Variants in MYH10 observed in about 807,000 individuals in gnomAD.
MYH10 encodes myosin heavy chain 10, also known as myosin-10.
A neutral mutation model predicts 257.8 loss-of-function variants in MYH10; 55 were observed. The ratio of observed to expected loss-of-function variants is 0.21; its 90% CI spans 0.17 to 0.27. The LOEUF is 0.27. Among genes scored for constraint, MYH10 ranks in the 10% least tolerant of loss-of-function variants. The pLI is 1.00. For missense variants in MYH10, 1,631 were observed against 2,500.6 expected (o/e 0.65, Z 7.42); for synonymous variants, 854 against 921.7 (o/e 0.93, Z 1.33).
Position 8,490,275 on chromosome 17 carries a change from C to A in MYH10, c.4884+65G>T. On this transcript the variant is annotated intron_variant, in intron 35 of 42. Transcript: ENST00000360416. The surrounding 1 kb of genome is among the most constrained non-coding windows in gnomAD (Gnocchi z 4.1). ...TGTTCTAACACGAATGAACAGGATA[C>A]TGACCCAGAGCTGGGCTTTGAGAGC... 2.1e-6 allele frequency: 3 copies of A among 1,432,054 alleles called. No homozygotes were observed. In the South Asian group the frequency reaches 3.4e-5, roughly 16 times the overall value. 88.7% of individuals were successfully genotyped at this position (1,432,054 alleles called of 1,614,324 possible). A position where few individuals can be genotyped will look rare whatever the true frequency, so the allele number is the denominator to read the frequency against.
At chr17:8,526,628 A>G (rs1314706663) in intron 17 of MYH10, among the ~76,000 whole-genome samples, 1 of 48,676 alleles carries the variant, frequency 2.1e-5, no homozygotes, top group Non-Finnish European at 4.3e-5. Flanking sequence ...ATATTCGCAT[A>G]GCTTTAAGAG....
At chr17:8,482,896 A>G (rs1272656459) in intron 37 of MYH10, among the ~76,000 whole-genome samples, 2 of 152,228 alleles carry the variant, frequency 1.3e-5, no homozygotes, top group Admixed American at 6.5e-5. Context: ...GATCTCACCA[A>G]TCAACTCCAT....
Position 8,538,752 on chromosome 17 carries a change from T to C in MYH10, c.1606-2821A>G, listed in dbSNP as rs181564196. Among the ~76,000 whole-genome samples, 622 of 152,336 alleles carry C rather than the reference T, an allele frequency of 4.1e-3. 2 individuals carry two copies. The highest frequency in any genetic ancestry group is 7.5e-3 in the South Asian group (36 of 4,830). ...GAAGGAACGAGTTACCTAGTTCTAC[T>C]CATTGCCCGTCAGTGTCTGGGCATA... On this transcript the variant is annotated intron_variant, in intron 14 of 42. Coordinates refer to ENST00000360416, the MANE Select transcript of MYH10 (RefSeq NM_001256012.3).
intron 6 of MYH10, 39 bp downstream of exon 6, chr17:8,576,603 CA>C (rs1392933514): frequency 1.6e-5 from 24 of 1,538,662 alleles, no homozygotes; most frequent in Non-Finnish European, 2.1e-5. Context: ...GAAATTAGTG[CA>C]AACACTCAAG....
In MYH10 at chr17:8,522,623, G is replaced by C. The variant is rs148291738; in HGVS notation, c.1958-1338C>G. The stretch of plus-strand genomic sequence containing the variant: ...AAAGCGGCACAAACCCACTTCTGCA[G>C]GCCCCATAAAATACTGATCTTCCCT... On this transcript the variant is annotated intron_variant, in intron 17 of 42. Coordinates refer to ENST00000360416, the MANE Select transcript of MYH10 (RefSeq NM_001256012.3). Among the ~76,000 whole-genome samples, 467 of 152,264 alleles carry C rather than the reference G, an allele frequency of 3.1e-3. 2 individuals carry two copies. Among genetic ancestry groups the C allele is most frequent in the Admixed American group, 7.3e-3 (112 of 15,304 alleles).
chr17:8,535,357 G>T lies in MYH10; in HGVS notation c.1894+30C>A. The T allele has an allele frequency of 1.3e-6, 2 of 1,517,964 alleles. No individual in the cohort carries two copies. Among genetic ancestry groups the T allele is most frequent in the Non-Finnish European group, 1.8e-6 (2 of 1,096,180 alleles). The allele number at this position is 1,517,964 out of a possible 1,614,324, so 94.0% of individuals were successfully genotyped here. A position where few individuals can be genotyped will look rare whatever the true frequency, so the allele number is the denominator to read the frequency against. On this transcript the variant is annotated intron_variant, in intron 16 of 42. Transcript: ENST00000360416. The surrounding 1 kb of genome is among the most constrained non-coding windows in gnomAD (Gnocchi z 4.3). ...CTTAATTATAAAAGATTCCAGCCAA[G>T]CATGATTACAAAGATAAGCACTTTC...
intron 37 of MYH10, among the ~76,000 whole-genome samples, chr17:8,483,156 T>C (rs1442744627): frequency 6.6e-6 from 1 of 152,194 alleles, no homozygotes; most frequent in Non-Finnish European, 1.5e-5. Context: ...TTAGAAAAAT[T>C]TAGAATTACA....
chr17:8,509,610 A>G (rs2081191901), intron 25 of MYH10, among the ~76,000 whole-genome samples: 1 of 152,226 alleles, frequency 6.6e-6, no homozygotes, highest in Admixed American at 6.5e-5. Flanking sequence ...TTATCAGGAT[A>G]TTTGATAAGG....
At chr17:8,574,981 A>G (rs1449633557) in intron 6 of MYH10, among the ~76,000 whole-genome samples, 1 of 152,220 alleles carries the variant, frequency 6.6e-6, no homozygotes, top group Non-Finnish European at 1.5e-5. Context: ...GTATTCTTCT[A>G]ATATTTCTAA....
At chr17:8,498,117 G>T (rs759629808) in intron 30 of MYH10, among the ~76,000 whole-genome samples, 1 of 150,862 alleles carries the variant, frequency 6.6e-6, no homozygotes, top group Non-Finnish European at 1.5e-5. Context: ...TGAGTAGCTG[G>T]GATTACAGGT....
At position 8,573,486 on chromosome 17, in the gene MYH10, G is replaced by T. The variant is rs185036478; in HGVS notation, c.663+3157C>A. ...ACTGGAAACACAGGGAGACAAGTGGGCTGGCTTGAAGGTATCATTTGTAGG... is the reference window on the plus strand; with the variant it reads ...ACTGGAAACACAGGGAGACAAGTGGTCTGGCTTGAAGGTATCATTTGTAGG... On this transcript the variant is annotated intron_variant, in intron 6 of 42. Coordinates refer to ENST00000360416, the MANE Select transcript of MYH10 (RefSeq NM_001256012.3). Among the ~76,000 whole-genome samples the T allele has an allele frequency of 7.4e-4, 113 of 152,330 alleles. 1 individual carries two copies. Among genetic ancestry groups the T allele is most frequent in the Middle Eastern group, 3.4e-3 (1 of 294 alleles).
chr17:8,500,962 C>T lies in MYH10; in HGVS notation c.3608G>A (p.Arg1203His). The change falls in exon 29 of 43, where the codon CGT becomes CAT. Residue 1203 changes from arginine to histidine, a missense_variant. This residue lies in a region of MYH10 where 7 missense variants were observed against 37.1 expected (regional missense o/e 0.19). Coordinates refer to ENST00000360416, the MANE Select transcript of MYH10 (RefSeq NM_001256012.3). Reference protein sequence around the residue: ...TAAQQELRTKREQEVAELKKA... With the variant: ...TAAQQELRTKHEQEVAELKKA... ...CTTCAGCTCTGCCACTTCTTGTTCA[C>T]GTTTTGTACTAGAGAAGGACATTTT... 3 of 1,613,534 alleles carry T rather than the reference C, an allele frequency of 1.9e-6. No homozygotes were observed. Among genetic ancestry groups the T allele is most frequent in the Non-Finnish European group, 1.7e-6 (2 of 1,179,882 alleles).
At chr17:8,617,070 A>C (rs2085288117) in intron 2 of MYH10, among the ~76,000 whole-genome samples, 1 of 152,070 alleles carries the variant, frequency 6.6e-6, no homozygotes, top group Admixed American at 6.5e-5. Flanking sequence ...GAAAAAAAAA[A>C]AAGAATCTTG....
At chr17:8,599,692 G>A (rs1185069563) in intron 3 of MYH10, among the ~76,000 whole-genome samples, 5 of 152,176 alleles carry the variant, frequency 3.3e-5, no homozygotes, top group Non-Finnish European at 2.9e-5. Flanking sequence ...TTAAAGTAAC[G>A]GGTAAAACTT....
At chr17:8,561,218 C>T (rs373490998) in intron 7 of MYH10, 14 of 784,122 alleles carry the variant, frequency 1.8e-5, no homozygotes, top group South Asian at 2.7e-5. Flanking sequence ...CTCTCCGGTC[C>T]GTGCCTCCAA....
Position 8,552,962 on chromosome 17 carries a change from T to C in MYH10, c.821-818A>G, listed in dbSNP as rs2151966115. Among the ~76,000 whole-genome samples the C allele has an allele frequency of 6.6e-6, 1 of 152,340 alleles. No homozygotes were observed. Among genetic ancestry groups the C allele is most frequent in the South Asian group, 2.1e-4 (1 of 4,828 alleles). On this transcript the variant is annotated intron_variant, in intron 8 of 42. Transcript: ENST00000360416. The surrounding 1 kb of genome is among the most constrained non-coding windows in gnomAD (Gnocchi z 4.8). ...CAGTTCTTGATGCTCCCGGAGTTCC[T>C]ATGGGTTGACAGTCACACCGGCATC...
At position 8,518,865 on chromosome 17, in the gene MYH10, A is replaced by G. The variant is rs767815633; in HGVS notation, c.2343+16T>C. 2 of 1,603,734 alleles carry G rather than the reference A, an allele frequency of 1.2e-6. No individual in the cohort carries two copies. Among genetic ancestry groups the G allele is most frequent in the South Asian group, 1.1e-5 (1 of 88,566 alleles). Reference sequence around the variant, plus strand: ...GATTAAATCTACAAGCCAGAAAAAGATCAAGAAAACCTTACCATTCGTTCA... The same window carrying G: ...GATTAAATCTACAAGCCAGAAAAAGGTCAAGAAAACCTTACCATTCGTTCA... On this transcript the variant is annotated intron_variant, in intron 20 of 42. Transcript: ENST00000360416.
chr17:8,491,056 C>T (rs1228894988), intron 34 of MYH10, among the ~76,000 whole-genome samples: 2 of 152,206 alleles, frequency 1.3e-5, no homozygotes, highest in South Asian at 2.1e-4. Flanking sequence ...GACAAAGATG[C>T]CCCCAGCACC....
chr17:8,616,400 C>T (rs908179905), intron 2 of MYH10, among the ~76,000 whole-genome samples: 1 of 151,900 alleles, frequency 6.6e-6, no homozygotes, highest in Non-Finnish European at 1.5e-5. Context: ...AATAAGTAAA[C>T]TTAGGTCACT....
Sources: gnomAD v4.1 joint callset for allele counts (sites outside exome capture counted in the v4.1 genomes callset) on GRCh38, gnomAD v4.1.1 for gene constraint, gnomAD v4.1.1 regional missense constraint, Gnocchi (gnomAD v3.1) non-coding constraint, MANE v1.5 for transcripts, NCBI Gene and HGNC (gene_info 2026-07-23, HGNC 2026-07-21) for gene names.